LIN7A: variants seen among roughly 807,000 people sequenced by gnomAD.
The protein encoded by LIN7A is lin-7 cell polarity scaffold A.
Under a neutral mutation model 29.8 loss-of-function variants are expected in LIN7A, and 25 were observed. The observed-to-expected ratio is 0.84, with a 90% CI of 0.61 to 1.17. The LOEUF (loss-of-function observed/expected upper bound fraction) is 1.17, where lower values mean the gene tolerates loss of function less well. Among genes scored for constraint, LIN7A ranks in the 50% most tolerant of loss-of-function variants. LIN7A has a pLI of 0.00. For missense variants in LIN7A, 239 were observed against 287.0 expected, an observed-to-expected ratio of 0.83 and a Z score of 1.21; for synonymous variants, 118 against 107.5, an observed-to-expected ratio of 1.10 and a Z score of -0.60.
In LIN7A at chr12:80,811,637, G is replaced by A; in HGVS notation, c.530C>T (p.Ala177Val). ...HHEKAVELLK[A>V]AKDSVKLVVR... ...CACCAGCTTGACGCTGTCTTTAGCAGCCTTGAGTAGTTCCACAGCTTTCTC... is the reference window on the plus strand; with the variant it reads ...CACCAGCTTGACGCTGTCTTTAGCAACCTTGAGTAGTTCCACAGCTTTCTC... Residue 177 changes from alanine (A) to valine (V), a missense_variant, in exon 5 of 6, where the codon GCT becomes GTT. Physicochemically the swap from Ala to Val is moderately conservative, Grantham distance 64. Coordinates refer to ENST00000552864, the MANE Select transcript of LIN7A (RefSeq NM_004664.4). 1 of 1,613,628 alleles carries A rather than the reference G, an allele frequency of 6.2e-7. No homozygotes were observed. The highest frequency in any genetic ancestry group is 8.5e-7 in the Non-Finnish European group (1 of 1,179,604).
intron 1 of LIN7A, among the ~76,000 whole-genome samples, chr12:80,928,253 T>C (rs930035444): frequency 4.6e-5 from 7 of 152,180 alleles, no homozygotes; most frequent in South Asian, 2.1e-4. Context: ...AAATAGCATT[T>C]CTAGTTCTAG....
chr12:80,812,450 TAAAA>T (rs199686456), intron 4 of LIN7A, among the ~76,000 whole-genome samples: 8 of 131,542 alleles, frequency 6.1e-5, no homozygotes, highest in South Asian at 2.4e-4. Context: ...TCAAACACTG[TAAAA>T]AAAAAAAAAA....
At chr12:80,820,299 T>C (rs1306432950) in intron 4 of LIN7A, among the ~76,000 whole-genome samples, 1 of 152,178 alleles carries the variant, frequency 6.6e-6, no homozygotes, top group Non-Finnish European at 1.5e-5. Flanking sequence ...TATATAATTA[T>C]ACATATTCTT....
intron 1 of LIN7A, among the ~76,000 whole-genome samples, chr12:80,916,500 T>G (rs1389056257): frequency 6.6e-6 from 1 of 152,162 alleles, no homozygotes; most frequent in Non-Finnish European, 1.5e-5. Context: ...TTCCTCTGAC[T>G]GGGCCATGCT....
At chr12:80,876,080 CAGAGAGAGAGAAAGAGAGAG>C (rs1248126350) in intron 2 of LIN7A, among the ~76,000 whole-genome samples, 1 of 146,990 alleles carries the variant, frequency 6.8e-6, no homozygotes, top group East Asian at 2.0e-4. Flanking sequence ...CACACACACA[CAGAGAGAGAGAAAGAGAGAG>C]ACAGACAGAG....
intron 2 of LIN7A, among the ~76,000 whole-genome samples, chr12:80,855,096 C>T (rs1873531443): frequency 6.6e-6 from 1 of 151,638 alleles, no homozygotes; most frequent in African/African-American, 2.4e-5. Flanking sequence ...CAATTAGCAT[C>T]ATATAAACCC....
intron 2 of LIN7A, among the ~76,000 whole-genome samples, chr12:80,867,784 C>T (rs1253150378): frequency 1.3e-5 from 2 of 152,002 alleles, no homozygotes; most frequent in East Asian, 3.9e-4. Context: ...AATGTTTTTC[C>T]CTCTTAAATT....
chr12:80,865,657 A>C (rs947702945), intron 2 of LIN7A, among the ~76,000 whole-genome samples: 12 of 152,240 alleles, frequency 7.9e-5, no homozygotes, highest in African/African-American at 2.9e-4. Context: ...TGATGGATCC[A>C]GTGCATAGTG....
intron 4 of LIN7A, among the ~76,000 whole-genome samples, chr12:80,839,465 G>C (rs1398029486): frequency 6.6e-6 from 1 of 152,160 alleles, no homozygotes; most frequent in African/African-American, 2.4e-5. Context: ...TATATAGAGA[G>C]CTTTGACTAT....
intron 1 of LIN7A, among the ~76,000 whole-genome samples, chr12:80,904,226 T>C (rs1385254071): frequency 6.6e-6 from 1 of 152,180 alleles, no homozygotes; most frequent in Non-Finnish European, 1.5e-5. Context: ...CGTGATGTTA[T>C]GAAACATGCA....
intron 4 of LIN7A, among the ~76,000 whole-genome samples, chr12:80,816,087 T>A (rs1310030396): frequency 1.3e-5 from 2 of 152,148 alleles, no homozygotes; most frequent in Admixed American, 6.5e-5. Context: ...AGCTGATAAA[T>A]CTTTTAACAA....
intron 1 of LIN7A, among the ~76,000 whole-genome samples, chr12:80,928,077 T>C (rs1371893436): frequency 1.3e-5 from 2 of 152,222 alleles, no homozygotes; most frequent in Non-Finnish European, 2.9e-5. Context: ...ATGGTGTATA[T>C]GTGCCACATT....
chr12:80,871,641 G>A (rs755241365), intron 2 of LIN7A, among the ~76,000 whole-genome samples: 1 of 151,868 alleles, frequency 6.6e-6, no homozygotes, highest in African/African-American at 2.4e-5. Context: ...TTAAATGTCA[G>A]AATATTTGGC....
chr12:80,918,200 A>C (rs1877119334), intron 1 of LIN7A, among the ~76,000 whole-genome samples: 1 of 151,798 alleles, frequency 6.6e-6, no homozygotes, highest in Admixed American at 6.6e-5. Flanking sequence ...GGCATGCACC[A>C]CCAGGCCTGG....
intron 4 of LIN7A, among the ~76,000 whole-genome samples, chr12:80,843,528 TA>T (rs1872919412): frequency 6.6e-6 from 1 of 152,176 alleles, no homozygotes; most frequent in Admixed American, 6.5e-5. Context: ...GAGTTTGCCA[TA>T]AGACTTACTT....
intron 2 of LIN7A, among the ~76,000 whole-genome samples, chr12:80,869,354 G>A (rs535444786): frequency 6.6e-6 from 1 of 152,128 alleles, no homozygotes; most frequent in African/African-American, 2.4e-5. Context: ...TCTGTAGTGT[G>A]GGGAGTTCTG....
intron 4 of LIN7A, among the ~76,000 whole-genome samples, chr12:80,818,177 G>A (rs1871625311): frequency 6.6e-6 from 1 of 151,956 alleles, no homozygotes; most frequent in Admixed American, 6.6e-5. Context: ...TTTTCTTTTT[G>A]AGATGGAGTC....
At chr12:80,927,773 T>C (rs150639877) in intron 1 of LIN7A, among the ~76,000 whole-genome samples, 1,888 of 152,298 alleles carry the variant, frequency 0.012, 34 homozygotes, top group African/African-American at 0.039. Context: ...GTTTGTTACA[T>C]AGGTATACAT....
chr12:80,921,022 G>A (rs545132171), intron 1 of LIN7A, among the ~76,000 whole-genome samples: 2 of 152,244 alleles, frequency 1.3e-5, no homozygotes, highest in East Asian at 3.9e-4. Flanking sequence ...CTGTGGTATG[G>A]CCTGAATGTG....
Sources: allele counts gnomAD v4.1 joint callset (sites outside exome capture counted in the v4.1 genomes callset), GRCh38; gene constraint gnomAD v4.1.1; transcripts MANE v1.5; gene names NCBI Gene and HGNC (gene_info 2026-07-23, HGNC 2026-07-21).